SEC23IP: variants seen among roughly 807,000 people sequenced by gnomAD.
The protein encoded by SEC23IP is SEC23-interacting protein.
In SEC23IP, 70 loss-of-function variants were observed where a neutral mutation model predicts 113.4. The ratio of observed to expected loss-of-function variants is 0.62; its 90% CI spans 0.51 to 0.75. The LOEUF is 0.75. Among genes scored for constraint, SEC23IP ranks in the 30% least tolerant of loss-of-function variants. SEC23IP has a pLI of 0.00. For missense variants in SEC23IP, 1,160 were observed against 1,204.9 expected (o/e 0.96, Z 0.55); for synonymous variants, 398 against 421.0 (o/e 0.95, Z 0.67).
chr10:119,912,781 C>T (rs78421620), intron 6 of SEC23IP, among the ~76,000 whole-genome samples: 16,393 of 151,762 alleles, frequency 0.11, 942 homozygotes, highest in South Asian at 0.17. Flanking sequence ...GCTGGGATTA[C>T]AGGCGTGCAC....
Position 119,919,506 on chromosome 10 carries a change from A to G in SEC23IP, c.1935A>G (p.Glu645=), listed in dbSNP as rs764662434. ...ESYDLVVENK[E]VLTLQETLEA... ...ATGACCTTGTTGTTGAAAATAAAGA[A>G]GTCCTAACTTTGCAAGAAACTCTGG... The change falls in exon 11 of 19, where the codon GAA becomes GAG. Residue 645 remains glutamate (E), a synonymous_variant. Coordinates refer to ENST00000369075, the MANE Select transcript of SEC23IP (RefSeq NM_007190.4). 1.2e-6 allele frequency: 2 copies of G among 1,613,584 alleles called. No homozygotes were observed. The highest frequency in any genetic ancestry group is 1.7e-5 in the Admixed American group (1 of 59,954).
At position 119,892,810 on chromosome 10, in the gene SEC23IP, A is replaced by C. The variant is rs764094337; in HGVS notation, c.28A>C (p.Ser10Arg). The C allele has an allele frequency of 5.0e-6, 8 of 1,612,158 alleles. No individual in the cohort carries two copies. Among genetic ancestry groups the C allele is most frequent in the Non-Finnish European group, 6.8e-6 (8 of 1,179,424 alleles). MAERKPNGGSGGASTSSSGT... is the reference protein window; with the variant it reads MAERKPNGGRGGASTSSSGT... ...GGCCGAGAGAAAACCTAACGGTGGC[A>C]GCGGCGGCGCCTCCACTTCCTCATC... Residue 10 changes from serine to arginine, a missense_variant, in exon 1 of 19, where the codon AGC becomes CGC. Physicochemically the swap from Ser to Arg is moderately radical, Grantham distance 110 (BLOSUM62 -1). Coordinates refer to ENST00000369075, the MANE Select transcript of SEC23IP (RefSeq NM_007190.4).
chr10:119,904,395 C>A, intron 4 of SEC23IP, 118 bp downstream of exon 4: 1 of 833,712 alleles, frequency 1.2e-6, no homozygotes, highest in Non-Finnish European at 1.9e-6. Context: ...TGTTTTGATG[C>A]TGTTCACAGA....
rs554701116 is a variant in SEC23IP at position 119,931,857 on chromosome 10, T to TA, written c.2573-275dup. On this transcript the variant is annotated intron_variant, in intron 15 of 18. Transcript: ENST00000369075. ...GTGAGACACCGCGCCTGAATGTGCT[T>TA]ACGTTTTTATGGTATTTGAACTTCT... Among the ~76,000 whole-genome samples the TA allele has an allele frequency of 4.1e-3, 618 of 152,166 alleles. 4 individuals carry two copies. Among genetic ancestry groups the TA allele is most frequent in the Non-Finnish European group, 4.7e-3 (321 of 67,994 alleles).
intron 4 of SEC23IP, among the ~76,000 whole-genome samples, chr10:119,906,110 T>C (rs575417986): frequency 9.9e-5 from 15 of 151,846 alleles, no homozygotes; most frequent in African/African-American, 3.4e-4. Context: ...ACCCCGTCTC[T>C]ACAAAAAATA....
intron 18 of SEC23IP, among the ~76,000 whole-genome samples, chr10:119,934,797 T>G (rs905201451): frequency 6.6e-6 from 1 of 152,212 alleles, no homozygotes; most frequent in Non-Finnish European, 1.5e-5. Flanking sequence ...TAGAGAAAGT[T>G]TTTTGGCTCC....
intron 18 of SEC23IP, among the ~76,000 whole-genome samples, chr10:119,939,024 A>C (rs1410625550): frequency 6.6e-6 from 1 of 152,162 alleles, no homozygotes; most frequent in Non-Finnish European, 1.5e-5. Context: ...AAAAGCCTCA[A>C]ATTGGCCAGG....
intron 5 of SEC23IP, among the ~76,000 whole-genome samples, 155 bp from the exon 6 acceptor site, chr10:119,911,889 C>G (rs926321997): frequency 6.6e-6 from 1 of 152,166 alleles, no homozygotes; most frequent in Non-Finnish European, 1.5e-5. Context: ...TGAACACTAG[C>G]AAGACTCCTT....
At chr10:119,917,502 C>G (rs1047542244) in intron 8 of SEC23IP, among the ~76,000 whole-genome samples, 1 of 152,140 alleles carries the variant, frequency 6.6e-6, no homozygotes, top group Admixed American at 6.5e-5. Flanking sequence ...CCTCACCCTC[C>G]TGAGTAGCTG....
rs893952799 is a variant in SEC23IP, at chr10:119,918,382, C to G, written c.1754-11C>G. The G allele has an allele frequency of 5.0e-5, 76 of 1,519,516 alleles. No individual in the cohort carries two copies. The highest frequency in any genetic ancestry group is 6.3e-5 in the Non-Finnish European group (69 of 1,097,774). 94.1% of individuals were successfully genotyped at this position (1,519,516 alleles called of 1,614,324 possible). A position where few individuals can be genotyped will look rare whatever the true frequency, so the allele number is the denominator to read the frequency against. On this transcript the variant is annotated splice_polypyrimidine_tract_variant and intron_variant, in intron 9 of 18. Coordinates refer to ENST00000369075, the MANE Select transcript of SEC23IP (RefSeq NM_007190.4). ...TACTACATTATAAGGCAAAATGTTT[C>G]TTTTTCATAGGTTCTTTAATATTGT...
chr10:119,912,867 CT>C (rs1854913385), intron 6 of SEC23IP, among the ~76,000 whole-genome samples: 1 of 152,154 alleles, frequency 6.6e-6, no homozygotes, highest in Non-Finnish European at 1.5e-5. Flanking sequence ...TCTCAAACTC[CT>C]GGCCTCAAGT....
chr10:119,918,352 G>T (rs1232780847), intron 9 of SEC23IP, 41 bp from the exon 10 acceptor site: 8 of 1,181,210 alleles, frequency 6.8e-6, no homozygotes, highest in Middle Eastern at 3.9e-4. Context: ...TGTTATAAAA[G>T]TACCTACTAC....
chr10:119,892,746 G>A lies in SEC23IP; in HGVS notation c.-37G>A, dbSNP rs371804036. 3.2e-6 allele frequency: 5 copies of A among 1,571,994 alleles called. No individual in the cohort carries two copies. Among genetic ancestry groups the A allele is most frequent in the Non-Finnish European group, 4.3e-6 (5 of 1,157,738 alleles). On this transcript the variant is annotated 5_prime_UTR_variant, in exon 1 of 19. Coordinates refer to ENST00000369075, the MANE Select transcript of SEC23IP (RefSeq NM_007190.4). Reference sequence around the variant, plus strand: ...TTTCCGGTCAGTGGTGTGGTACCGGGTACCCGGAGACGTGTATCGGACGGT... The same window carrying A: ...TTTCCGGTCAGTGGTGTGGTACCGGATACCCGGAGACGTGTATCGGACGGT...
At chr10:119,920,793 G>T in intron 11 of SEC23IP, 96 bp from the exon 12 acceptor site, 1 of 798,166 alleles carries the variant, frequency 1.3e-6, no homozygotes. Flanking sequence ...CTCTTAGATT[G>T]CTTTAGATGA....
intron 14 of SEC23IP, among the ~76,000 whole-genome samples, 167 bp from the exon 15 acceptor site, chr10:119,930,158 TACAC>T (rs1018301560): frequency 5.9e-5 from 9 of 152,218 alleles, no homozygotes; most frequent in Non-Finnish European, 1.3e-4. Context: ...AAAGTAATCT[TACAC>T]ACAAACTAGA....
intron 15 of SEC23IP, among the ~76,000 whole-genome samples, chr10:119,931,704 C>T (rs1855607840): frequency 6.6e-6 from 1 of 151,918 alleles, no homozygotes. Context: ...AGGCGCCTGC[C>T]ACCACGCCCG....
At chr10:119,906,484 C>G (rs1009949831) in intron 4 of SEC23IP, among the ~76,000 whole-genome samples, 4 of 149,102 alleles carry the variant, frequency 2.7e-5, no homozygotes, top group African/African-American at 7.4e-5. Context: ...TCAAGGATAA[C>G]CAAGACCATT....
intron 4 of SEC23IP, among the ~76,000 whole-genome samples, chr10:119,906,283 G>GAAA (rs59914110): frequency 8.7e-6 from 1 of 114,822 alleles, no homozygotes. Flanking sequence ...CCTTGTCTCA[G>GAAA]AAAAAAAAAA....
intron 15 of SEC23IP, among the ~76,000 whole-genome samples, chr10:119,930,938 G>A (rs780549818): frequency 6.6e-5 from 10 of 152,194 alleles, no homozygotes; most frequent in Admixed American, 2.6e-4. Flanking sequence ...TTGGGTGGAA[G>A]GGATGGGAGG....
Sources: gnomAD v4.1 joint callset for allele counts (sites outside exome capture counted in the v4.1 genomes callset) on GRCh38, gnomAD v4.1.1 for gene constraint, MANE v1.5 for transcripts, NCBI Gene and HGNC (gene_info 2026-07-23, HGNC 2026-07-21) for gene names.